ATP2B3: variants seen among roughly 807,000 people sequenced by gnomAD.
The protein encoded by ATP2B3 is plasma membrane calcium-transporting ATPase 3.
Under a neutral mutation model 70.8 loss-of-function variants are expected in ATP2B3, and 12 were observed. That is an observed-to-expected ratio of 0.17 (90% CI 0.11 to 0.27). The LOEUF (loss-of-function observed/expected upper bound fraction) is 0.27. Ranked by LOEUF, ATP2B3 falls within the 10% of genes least tolerant of loss-of-function variation. The pLI, the probability that ATP2B3 is intolerant of heterozygous loss-of-function variation, is 1.00. For synonymous variants in ATP2B3, 460 were observed against 497.8 expected (o/e 0.92, Z 1.01); for missense variants, 858 against 1,118.5 (o/e 0.77, Z 3.32).
rs782365958 is a variant in ATP2B3 at position 153,549,664 on chromosome X, C to T, written c.1506C>T (p.Ser502=). 9 of 1,210,747 alleles carry T rather than the reference C, an allele frequency of 7.4e-6. No homozygotes were observed. The Admixed American group carries it at 1.3e-4, about 18-fold the overall frequency. The change falls in exon 11 of 22, where the codon AGC becomes AGT. Residue 502 remains serine (S), a synonymous_variant. Transcript: ENST00000263519. The part of the protein sequence containing the change: ...DTHYKEIPAP[S]ALTPKILDLL... ...ACTACAAAGAGATTCCGGCCCCCAG[C>T]GCCCTGACCCCTAAGATCCTCGACC...
intron 12 of ATP2B3, 32 bp downstream of exon 12, chrX:153,550,318 G>A (rs782727103): frequency 6.6e-5 from 79 of 1,204,477 alleles, no homozygotes; most frequent in Middle Eastern, 2.3e-4. Flanking sequence ...GCCGGGGTAC[G>A]CACGGAGTTT....
rs2090928081 is a variant in ATP2B3 at position 153,582,159 on chromosome X, G to A, written c.*1861G>A. 1 of 112,492 alleles carries A rather than the reference G, an allele frequency of 8.9e-6. No homozygotes were observed. Among genetic ancestry groups the A allele is most frequent in the Non-Finnish European group, 1.9e-5 (1 of 53,291 alleles). The allele number at this position is 112,492 out of a possible 1,213,427, so 9.3% of individuals were successfully genotyped here. On this transcript the variant is annotated 3_prime_UTR_variant, in exon 22 of 22. Coordinates refer to ENST00000263519, the MANE Select transcript of ATP2B3 (RefSeq NM_001001344.3). ...GGCATCCACACAAAACCAAACAGGA[G>A]CAGGCGTCATCCCCACTATTCCCAT...
At chrX:153,560,607 A>G in intron 18 of ATP2B3, 69 bp from the exon 19 acceptor site, 1 of 1,106,562 alleles carries the variant, frequency 9.0e-7, no homozygotes, top group Non-Finnish European at 1.2e-6. Context: ...TACACACCGA[A>G]GTCTCGCTCC....
chrX:153,552,984 CTTG>C, intron 12 of ATP2B3, 48 bp from the exon 13 acceptor site: 2 of 1,090,120 alleles, frequency 1.8e-6, no homozygotes, highest in Non-Finnish European at 2.5e-6. Flanking sequence ...AGCGCTGTTC[CTTG>C]TTGTTCTCTC....
intron 21 of ATP2B3, among the ~76,000 whole-genome samples, chrX:153,578,801 T>A (rs2090888818): frequency 8.9e-6 from 1 of 111,987 alleles, no homozygotes; most frequent in African/African-American, 3.3e-5. Flanking sequence ...TTTTGGAATG[T>A]CTGACTGGAA....
Position 153,579,917 on chromosome X carries a change from C to T in ATP2B3, c.3343-61C>T. ...CTTCCTTCCACGTTTCCTTTCCTTT[C>T]CCTTCCTTTCCTCCCTCCCTGCTCC... On this transcript the variant is annotated intron_variant, in intron 21 of 21. Coordinates refer to ENST00000263519, the MANE Select transcript of ATP2B3 (RefSeq NM_001001344.3). 14 of 1,035,640 alleles carry T rather than the reference C, an allele frequency of 1.4e-5. No homozygotes were observed. The South Asian group carries it at 1.9e-4, about 14-fold the overall frequency. The allele number at this position is 1,035,640 out of a possible 1,213,427, so 85.3% of individuals were successfully genotyped here. A position where few individuals can be genotyped will look rare whatever the true frequency, so the allele number is the denominator to read the frequency against.
intron 10 of ATP2B3, among the ~76,000 whole-genome samples, chrX:153,549,221 T>A (rs1443440163): frequency 9.0e-4 from 2 of 2,224 alleles, no homozygotes; most frequent in Non-Finnish European, 1.8e-3. Flanking sequence ...GGTGGTGGGG[T>A]GGTGGGGTGG....
intron 7 of ATP2B3, among the ~76,000 whole-genome samples, chrX:153,544,999 G>T (rs1183850206): frequency 1.8e-5 from 2 of 112,768 alleles, no homozygotes; most frequent in African/African-American, 6.4e-5. Flanking sequence ...TGTCCGTGGG[G>T]GTCTCCCCTC....
chrX:153,579,170 TGGA>T (rs1462829016), intron 21 of ATP2B3, among the ~76,000 whole-genome samples: 1 of 111,817 alleles, frequency 8.9e-6, no homozygotes, highest in African/African-American at 3.3e-5. Context: ...GAGAGGGCAG[TGGA>T]GGAGATGGGG....
intron 2 of ATP2B3, among the ~76,000 whole-genome samples, chrX:153,529,525 G>A (rs2090082727): frequency 8.9e-6 from 1 of 112,255 alleles, no homozygotes; most frequent in South Asian, 3.7e-4. Flanking sequence ...GGGCGAAGTG[G>A]CTGGTGGGGG....
rs1456427462 is a variant in ATP2B3, at chrX:153,538,222, G to C, written c.208+1767G>C. On this transcript the variant is annotated intron_variant, in intron 3 of 21. Coordinates refer to ENST00000263519, the MANE Select transcript of ATP2B3 (RefSeq NM_001001344.3). ...CCTGCCTGCCCCTCAGTCCTCCTCAGACACAAGGGCCTGAGCCACGGGGGC... is the reference window on the plus strand; with the variant it reads ...CCTGCCTGCCCCTCAGTCCTCCTCACACACAAGGGCCTGAGCCACGGGGGC... Among the ~76,000 whole-genome samples, 50 of 113,071 alleles carry C rather than the reference G, an allele frequency of 4.4e-4. No individual in the cohort carries two copies. The Admixed American group carries it at 4.5e-3, about 10-fold the overall frequency.
intron 3 of ATP2B3, among the ~76,000 whole-genome samples, chrX:153,539,754 G>A (rs964370921): frequency 8.8e-6 from 1 of 113,183 alleles, no homozygotes; most frequent in Non-Finnish European, 1.9e-5. Flanking sequence ...AGCCGGGGCT[G>A]AGAATCCTGG....
At chrX:153,569,716 C>T (rs1194288881) in intron 21 of ATP2B3, 7 of 1,209,577 alleles carry the variant, frequency 5.8e-6, no homozygotes, top group Admixed American at 2.2e-5. Context: ...CCCCTACTCA[C>T]GCAATTCTCT....
At chrX:153,525,301 G>A (rs1356854370) in intron 2 of ATP2B3, among the ~76,000 whole-genome samples, 12 of 112,200 alleles carry the variant, frequency 1.1e-4, no homozygotes, top group African/African-American at 3.6e-4. Context: ...TGGAGTGGCC[G>A]GTTCGAAACT....
chrX:153,553,975 G>A (rs1557012673), intron 13 of ATP2B3, among the ~76,000 whole-genome samples: 1 of 113,782 alleles, frequency 8.8e-6, no homozygotes, highest in African/African-American at 3.2e-5. Context: ...ACTTGTCTTT[G>A]TAGGAGCCAC....
chrX:153,548,907 AG>A (rs2090412142), intron 10 of ATP2B3, 53 bp downstream of exon 10: 1 of 1,122,334 alleles, frequency 8.9e-7, no homozygotes, highest in Non-Finnish European at 1.2e-6. Flanking sequence ...AACTGGGGTA[AG>A]AAGTCATTGG....
intron 21 of ATP2B3, among the ~76,000 whole-genome samples, chrX:153,579,740 A>ACT (rs2090900092): frequency 9.1e-6 from 1 of 110,141 alleles, no homozygotes; most frequent in East Asian, 2.9e-4. Context: ...ACACCTGAAA[A>ACT]CTCTTTCCAA....
chrX:153,558,196 A>C lies in ATP2B3; in HGVS notation c.2518A>C (p.Met840Leu). The change falls in exon 17 of 22, where the codon ATG becomes CTG. Residue 840 changes from methionine to leucine, a missense_variant. Met to Leu is a conservative substitution (Grantham distance 15). This residue lies in a region of ATP2B3 where 50 missense variants were observed against 106.7 expected (regional missense o/e 0.47). Coordinates refer to ENST00000263519, the MANE Select transcript of ATP2B3 (RefSeq NM_001001344.3). ...DNFTSIVKAV[M>L]WGRNVYDSIS... is the part of the protein sequence containing the mutation. ...CTTCACCAGCATCGTCAAGGCAGTC[A>C]TGTGGGGCCGTAACGTCTATGACAG... 2.5e-6 allele frequency: 3 copies of C among 1,211,679 alleles called. No homozygotes were observed. In the African/African-American group the frequency reaches 5.2e-5, roughly 21 times the overall value.
At position 153,562,151 on chromosome X, in the gene ATP2B3, T is replaced by G. The variant is rs1557016601; in HGVS notation, c.3068T>G (p.Phe1023Cys). 8.3e-7 allele frequency: 1 copy of G among 1,211,785 alleles called. No homozygotes were observed. The highest frequency in any genetic ancestry group is 1.8e-5 in the South Asian group (1 of 57,012). Reference sequence around the variant, plus strand: ...CCTTCGCAGATTGTCATCGTCCAGTTTGGCGGGAAGCCCTTCAGCTGCTCC... The same window carrying G: ...CCTTCGCAGATTGTCATCGTCCAGTGTGGCGGGAAGCCCTTCAGCTGCTCC... ...TFGIQIVIVQ[F>C]GGKPFSCSPL... The change falls in exon 20 of 22, where the codon TTT becomes TGT. Residue 1023 changes from phenylalanine to cysteine, a missense_variant. Phe to Cys is a radical substitution (Grantham distance 205, BLOSUM62 -2). Around this residue, in one of 5 missense-constraint regions of ATP2B3, gnomAD observed 265 missense variants for 305.3 expected, o/e 0.87. Coordinates refer to ENST00000263519, the MANE Select transcript of ATP2B3 (RefSeq NM_001001344.3).
Sources: gnomAD v4.1 joint callset for allele counts (sites outside exome capture counted in the v4.1 genomes callset) on GRCh38, gnomAD v4.1.1 for gene constraint, gnomAD v4.1.1 regional missense constraint, MANE v1.5 for transcripts, NCBI Gene and HGNC (gene_info 2026-07-23, HGNC 2026-07-21) for gene names.